Variants in AFF2 observed in about 807,000 individuals in gnomAD.
AFF2 encodes AF4/FMR2 family member 2.
In AFF2, 14 loss-of-function variants were observed where a neutral mutation model predicts 76.9. That is an observed-to-expected ratio of 0.18 (90% CI 0.12 to 0.28). The LOEUF is 0.28. Among genes scored for constraint, AFF2 ranks in the 10% least tolerant of loss-of-function variants. The pLI, the probability that AFF2 is intolerant of heterozygous loss-of-function variation, is 1.00. For synonymous variants in AFF2, 398 were observed against 366.7 expected (o/e 1.09, Z -0.98); for missense variants, 868 against 1,001.1 (o/e 0.87, Z 1.79).
chrX:148,903,029 T>C (rs187464007), intron 8 of AFF2, among the ~76,000 whole-genome samples: 153 of 110,416 alleles, frequency 1.4e-3, no homozygotes, highest in African/African-American at 5.0e-3. Flanking sequence ...TTAGATTATA[T>C]GTTGTCTCTG....
At chrX:148,635,080 C>T (rs1557253617) in intron 1 of AFF2, among the ~76,000 whole-genome samples, 2 of 111,048 alleles carry the variant, frequency 1.8e-5, no homozygotes, top group Admixed American at 1.9e-4. Context: ...TGTCCATGTC[C>T]ATATATATAT....
intron 9 of AFF2, among the ~76,000 whole-genome samples, chrX:148,949,425 G>T (rs145350129): frequency 9.0e-6 from 1 of 111,287 alleles, no homozygotes; most frequent in Non-Finnish European, 1.9e-5. Flanking sequence ...CTCTCTGATC[G>T]CCTTCCCCAG....
intron 9 of AFF2, among the ~76,000 whole-genome samples, chrX:148,941,019 G>A (rs2071828047): frequency 9.0e-6 from 1 of 111,488 alleles, no homozygotes; most frequent in Non-Finnish European, 1.9e-5. Context: ...TAAAATAGCT[G>A]GGCTTTTTGA....
In AFF2 at chrX:148,956,593, A is replaced by G; in HGVS notation, c.2548A>G (p.Lys850Glu). Residue 850 changes from lysine (K) to glutamate (E), a missense_variant, in exon 11 of 21, where the codon AAG becomes GAG. This residue lies in a region of AFF2 where 532 missense variants were observed against 564.2 expected (regional missense o/e 0.94). Transcript: ENST00000370460. ...CACAGCTGTGGAGAAACCAGCCCCT[A>G]AGGGCAAACGTAAGCACAAGGTAAG... Reference protein sequence around the residue: ...AVTAVEKPAPKGKRKHKPIEV... With the variant: ...AVTAVEKPAPEGKRKHKPIEV... 8.3e-7 allele frequency: 1 copy of G among 1,210,424 alleles called. No individual in the cohort carries two copies. The highest frequency in any genetic ancestry group is 1.1e-6 in the Non-Finnish European group (1 of 894,949).
intron 4 of AFF2, among the ~76,000 whole-genome samples, chrX:148,825,104 T>C (rs1183548402): frequency 2.7e-5 from 3 of 111,194 alleles, no homozygotes; most frequent in African/African-American, 9.8e-5. Flanking sequence ...ATGTACTTCT[T>C]ATAACCACCA....
chrX:148,548,537 C>T (rs1334351779), intron 1 of AFF2, among the ~76,000 whole-genome samples: 2 of 111,738 alleles, frequency 1.8e-5, no homozygotes, highest in East Asian at 5.6e-4. Context: ...CGAGTTCAAG[C>T]GATTCTCCTG....
intron 3 of AFF2, among the ~76,000 whole-genome samples, chrX:148,709,391 A>G (rs1263634498): frequency 1.8e-5 from 2 of 111,667 alleles, no homozygotes; most frequent in Non-Finnish European, 3.8e-5. Context: ...GTTGGCACAC[A>G]ATAAATGTCA....
At chrX:148,755,798 C>T (rs1557266849) in intron 3 of AFF2, among the ~76,000 whole-genome samples, 1 of 111,567 alleles carries the variant, frequency 9.0e-6, no homozygotes, top group African/African-American at 3.3e-5. Flanking sequence ...TGAGATGTTT[C>T]ATAAATTTTG....
intron 9 of AFF2, among the ~76,000 whole-genome samples, chrX:148,922,275 AAC>A (rs1204832544): frequency 8.9e-6 from 1 of 112,127 alleles, no homozygotes; most frequent in Non-Finnish European, 1.9e-5. Context: ...TGAACTAGTG[AAC>A]ACAGAGAGCA....
chrX:148,712,251 C>T (rs1326477810), intron 3 of AFF2, among the ~76,000 whole-genome samples: 4 of 111,564 alleles, frequency 3.6e-5, no homozygotes, highest in Non-Finnish European at 7.5e-5. Flanking sequence ...ATCCTCAATA[C>T]CAAGAATTCT....
intron 19 of AFF2, among the ~76,000 whole-genome samples, chrX:148,983,793 A>G (rs1357698970): frequency 9.2e-6 from 1 of 108,613 alleles, no homozygotes; most frequent in Non-Finnish European, 1.9e-5. Context: ...TCCTCATGCT[A>G]TATATGCTCT....
chrX:148,787,743 A>G (rs2069840283), intron 3 of AFF2, among the ~76,000 whole-genome samples: 1 of 112,181 alleles, frequency 8.9e-6, no homozygotes, highest in Admixed American at 9.5e-5. Context: ...CAAACAGCCA[A>G]CCTCATAATC....
intron 1 of AFF2, among the ~76,000 whole-genome samples, chrX:148,556,424 G>A (rs1461557651): frequency 3.6e-5 from 4 of 111,762 alleles, no homozygotes; most frequent in African/African-American, 1.3e-4. Context: ...TTAACCCTGC[G>A]TGGAGTAAGT....
At chrX:148,620,125 C>T (rs782366551) in intron 1 of AFF2, among the ~76,000 whole-genome samples, 9 of 110,979 alleles carry the variant, frequency 8.1e-5, no homozygotes, top group Non-Finnish European at 1.5e-4. Context: ...GTCACCAGGA[C>T]TAGAGTCACA....
intron 4 of AFF2, among the ~76,000 whole-genome samples, chrX:148,833,435 T>C (rs956593424): frequency 1.5e-4 from 16 of 109,620 alleles, no homozygotes; most frequent in African/African-American, 5.3e-4. Context: ...ACCCTGTCTC[T>C]ACTAAAAAAT....
chrX:148,888,808 A>G (rs1414630502), intron 8 of AFF2, among the ~76,000 whole-genome samples: 1 of 111,409 alleles, frequency 9.0e-6, no homozygotes, highest in Non-Finnish European at 1.9e-5. Flanking sequence ...CTGGCTGAGC[A>G]AAAGAATTGC....
chrX:148,680,182 A>G (rs1557259817), intron 3 of AFF2, among the ~76,000 whole-genome samples: 1 of 112,220 alleles, frequency 8.9e-6, no homozygotes, highest in African/African-American at 3.2e-5. Flanking sequence ...CAAAAACTTT[A>G]GAAGAAGAGA....
At position 148,652,074 on chromosome X, in the gene AFF2, C is replaced by T. The variant is rs782561675; in HGVS notation, c.123C>T (p.Asp41=). Residue 41 remains aspartate (D), a synonymous_variant, in exon 2 of 21, where the codon GAC becomes GAT. Coordinates refer to ENST00000370460, the MANE Select transcript of AFF2 (RefSeq NM_002025.4). ...GGAATCAAGAAGTCCAGCAAGAAGA[C>T]GATCTCTTTTCTTCAGGCTTTGATC... is the stretch of plus-strand genomic sequence containing the variant. ...ERRNQEVQQE[D]DLFSSGFDLF... The T allele has an allele frequency of 1.6e-5, 19 of 1,198,912 alleles. No individual in the cohort carries two copies. The highest frequency in any genetic ancestry group is 3.5e-5 in the African/African-American group (2 of 56,865).
rs1251754427 is a variant in AFF2, at chrX:148,795,870, T to C, written c.1042-14006T>C. Reference sequence around the variant, plus strand: ...ATATATATATATATATATATATATATATACACACCTAAGTGTCAGACTAGA... The same window carrying C: ...ATATATATATATATATATATATATACATACACACCTAAGTGTCAGACTAGA... On this transcript the variant is annotated intron_variant, in intron 3 of 20. Coordinates refer to ENST00000370460, the MANE Select transcript of AFF2 (RefSeq NM_002025.4). Among the ~76,000 whole-genome samples the C allele has an allele frequency of 5.1e-4, 27 of 52,848 alleles. 1 individual carries two copies. The South Asian group carries it at 7.3e-3, about 14-fold the overall frequency. The allele number at this position is 52,848 out of a possible 115,157, so 45.9% of individuals were successfully genotyped here. A position where few individuals can be genotyped will look rare whatever the true frequency, so the allele number is the denominator to read the frequency against.
Sources: gnomAD v4.1 joint callset for allele counts (sites outside exome capture counted in the v4.1 genomes callset) on GRCh38, gnomAD v4.1.1 for gene constraint, gnomAD v4.1.1 regional missense constraint, MANE v1.5 for transcripts, NCBI Gene and HGNC (gene_info 2026-07-23, HGNC 2026-07-21) for gene names.